Variants in ERC2 observed in about 807,000 individuals in gnomAD.
ERC2 encodes ELKS/RAB6-interacting/CAST family member 2.
In ERC2, 42 loss-of-function variants were observed where a neutral mutation model predicts 114.8. The observed-to-expected ratio is 0.37, with a 90% CI of 0.29 to 0.47. The LOEUF (loss-of-function observed/expected upper bound fraction) is 0.47. ERC2 is among the 20% of genes least tolerant of loss of function. The probability of loss-of-function intolerance (pLI) is 0.99; values close to 1 mark genes in which losing one functional copy is unlikely to be tolerated. For synonymous variants in ERC2, 454 were observed against 425.5 expected, an observed-to-expected ratio of 1.07 and a Z score of -0.82; for missense variants, 939 against 1,150.7, an observed-to-expected ratio of 0.82 and a Z score of 2.66.
intron 2 of ERC2, among the ~76,000 whole-genome samples, chr3:56,371,832 C>T (rs2059373682): frequency 6.6e-6 from 1 of 152,208 alleles, no homozygotes; most frequent in Admixed American, 6.5e-5. Flanking sequence ...TGCCATCACC[C>T]TCAGCAAGCA....
chr3:55,672,036 C>T (rs1391785588), intron 17 of ERC2, among the ~76,000 whole-genome samples: 3 of 152,154 alleles, frequency 2.0e-5, no homozygotes, highest in East Asian at 1.9e-4. Context: ...CACCATATGC[C>T]TTTATGACTA....
At chr3:56,408,233 T>G (rs1337037918) in intron 2 of ERC2, among the ~76,000 whole-genome samples, 1 of 152,194 alleles carries the variant, frequency 6.6e-6, no homozygotes, top group Non-Finnish European at 1.5e-5. Flanking sequence ...CCTTCCTCCG[T>G]GCTGGGCTCT....
intron 2 of ERC2, among the ~76,000 whole-genome samples, chr3:56,400,596 G>C (rs181448904): frequency 1.3e-5 from 2 of 152,184 alleles, no homozygotes; most frequent in Admixed American, 1.3e-4. Context: ...ATTAAAAGGA[G>C]GAAAAGTATT....
chr3:55,563,772 G>A (rs2056189558), intron 17 of ERC2, among the ~76,000 whole-genome samples: 1 of 152,068 alleles, frequency 6.6e-6, no homozygotes, highest in Admixed American at 6.5e-5. Context: ...TGGAAAGATA[G>A]AGAGATAGAC....
intron 3 of ERC2, among the ~76,000 whole-genome samples, chr3:56,246,857 C>T (rs191308916): frequency 1.3e-5 from 2 of 152,332 alleles, no homozygotes; most frequent in East Asian, 1.9e-4. Context: ...CTCGCATCTT[C>T]GCAGAAGTCA....
chr3:55,737,703 T>C (rs1436637984), intron 14 of ERC2, among the ~76,000 whole-genome samples: 1 of 152,214 alleles, frequency 6.6e-6, no homozygotes, highest in Admixed American at 6.5e-5. Flanking sequence ...ACCTTAGTGA[T>C]GTGAAAATAT....
At chr3:55,777,485 G>A (rs1378780947) in intron 14 of ERC2, among the ~76,000 whole-genome samples, 2 of 152,234 alleles carry the variant, frequency 1.3e-5, no homozygotes, top group African/African-American at 4.8e-5. Context: ...GCTGGCGGAA[G>A]GAGGGAAAAG....
intron 3 of ERC2, among the ~76,000 whole-genome samples, chr3:56,227,180 C>G (rs1253160194): frequency 6.6e-6 from 1 of 152,088 alleles, no homozygotes; most frequent in African/African-American, 2.4e-5. Flanking sequence ...CACCTCCATT[C>G]TTAATGTTAA....
At chr3:55,645,708 G>A (rs1481087921) in intron 17 of ERC2, among the ~76,000 whole-genome samples, 1 of 152,140 alleles carries the variant, frequency 6.6e-6, no homozygotes, top group African/African-American at 2.4e-5. Flanking sequence ...CCGTTAAAAC[G>A]GGAAGGATGT....
chr3:55,559,494 G>A (rs971030302), intron 17 of ERC2, among the ~76,000 whole-genome samples: 1 of 152,198 alleles, frequency 6.6e-6, no homozygotes, highest in East Asian at 1.9e-4. Flanking sequence ...CTAAGTTGTT[G>A]GTTTCCACCA....
At position 56,392,108 on chromosome 3, in the gene ERC2, G is replaced by A. The variant is rs571204665; in HGVS notation, c.657+42243C>T. On this transcript the variant is annotated intron_variant, in intron 2 of 17. Transcript: ENST00000288221. ...TGCTGAAAGGTGAAGAGGCACTTCA[G>A]AGAGACAAGCTATTTCAAAGAAATG... 5.3e-5 allele frequency among the ~76,000 whole-genome samples: 8 copies of A among 152,294 alleles called. 1 individual carries two copies. In the South Asian group the frequency reaches 1.0e-3, roughly 20 times the overall value.
chr3:55,689,754 T>C (rs1178787472), intron 16 of ERC2, among the ~76,000 whole-genome samples: 1 of 150,450 alleles, frequency 6.6e-6, no homozygotes, highest in Non-Finnish European at 1.5e-5. Context: ...GATCGCGCCA[T>C]TGCACTCACT....
chr3:56,340,501 G>GGT (rs1227350521), intron 2 of ERC2, among the ~76,000 whole-genome samples: 14 of 147,992 alleles, frequency 9.5e-5, no homozygotes. Flanking sequence ...AATCATTGAG[G>GGT]GTGTGTGTGT....
chr3:56,155,119 C>T (rs1312811054), intron 4 of ERC2, among the ~76,000 whole-genome samples: 3 of 152,122 alleles, frequency 2.0e-5, no homozygotes, highest in Non-Finnish European at 4.4e-5. Context: ...ATATCTATTA[C>T]TTTTTTGGTC....
intron 3 of ERC2, among the ~76,000 whole-genome samples, chr3:56,210,957 C>T (rs1218532320): frequency 6.6e-6 from 1 of 152,140 alleles, no homozygotes; most frequent in Non-Finnish European, 1.5e-5. Context: ...AGTGATATCA[C>T]CACCAAGGGG....
intron 14 of ERC2, among the ~76,000 whole-genome samples, chr3:55,855,730 T>G (rs2061759704): frequency 6.6e-6 from 1 of 152,200 alleles, no homozygotes; most frequent in Non-Finnish European, 1.5e-5. Context: ...AGAACAAATG[T>G]GGAGCTAGCA....
At chr3:55,915,756 G>T (rs1323702255) in intron 13 of ERC2, among the ~76,000 whole-genome samples, 5 of 152,140 alleles carry the variant, frequency 3.3e-5, no homozygotes, top group African/African-American at 7.2e-5. Flanking sequence ...TCATCGAGGG[G>T]AGCTGACTTA....
chr3:56,210,052 A>G (rs1246980986), intron 3 of ERC2, among the ~76,000 whole-genome samples: 1 of 152,196 alleles, frequency 6.6e-6, no homozygotes, highest in Non-Finnish European at 1.5e-5. Context: ...AGTGGGAGAT[A>G]TGTAAACATA....
intron 17 of ERC2, among the ~76,000 whole-genome samples, chr3:55,646,144 A>G (rs1016820089): frequency 6.6e-6 from 1 of 151,992 alleles, no homozygotes; most frequent in South Asian, 2.1e-4. Flanking sequence ...GTAATAGTGA[A>G]TTTTTGCTTA....
Sources: gnomAD v4.1 joint callset for allele counts (sites outside exome capture counted in the v4.1 genomes callset) on GRCh38, gnomAD v4.1.1 for gene constraint, MANE v1.5 for transcripts, NCBI Gene and HGNC (gene_info 2026-07-23, HGNC 2026-07-21) for gene names.